The following CDH7 variants were observed in gnomAD, a reference collection of about 807,000 sequenced individuals.
CDH7 encodes cadherin 7.
CDH7 carries 25 observed loss-of-function variants against 71.8 expected under a neutral mutation model. The ratio of observed to expected loss-of-function variants is 0.35; its 90% CI spans 0.25 to 0.49. CDH7 has a LOEUF of 0.49. Ranked by LOEUF, CDH7 falls within the 20% of genes least tolerant of loss-of-function variation. The pLI, the probability that CDH7 is intolerant of heterozygous loss-of-function variation, is 0.99. For missense variants in CDH7, 862 were observed against 974.6 expected, an observed-to-expected ratio of 0.88 and a Z score of 1.54; for synonymous variants, 381 against 363.8, an observed-to-expected ratio of 1.05 and a Z score of -0.54.
At chr18:65,759,007 A>G (rs892065687) in intron 1 of CDH7, among the ~76,000 whole-genome samples, 3 of 152,164 alleles carry the variant, frequency 2.0e-5, no homozygotes, top group Non-Finnish European at 4.4e-5. Flanking sequence ...CTTCACAGAC[A>G]TTATTTCAAT....
At chr18:65,774,898 G>T (rs1909880080) in intron 2 of CDH7, among the ~76,000 whole-genome samples, 1 of 152,120 alleles carries the variant, frequency 6.6e-6, no homozygotes, top group Admixed American at 6.6e-5. Flanking sequence ...AGGGAGAAAA[G>T]AGCTAGGTTG....
intron 5 of CDH7, among the ~76,000 whole-genome samples, chr18:65,823,182 A>G (rs1911999734): frequency 1.3e-5 from 2 of 151,810 alleles, no homozygotes; most frequent in South Asian, 4.1e-4. Context: ...TTTCCTCTTT[A>G]TCTTACATAT....
At chr18:65,862,941 C>T (rs746507016) in intron 11 of CDH7, 24 bp downstream of exon 11, 7 of 1,608,060 alleles carry the variant, frequency 4.4e-6, no homozygotes, top group East Asian at 2.2e-5. Context: ...CCAGGGCTTG[C>T]TCTGAAAGAG....
At chr18:65,877,764 A>G (rs1914114328) in intron 11 of CDH7, among the ~76,000 whole-genome samples, 2 of 152,108 alleles carry the variant, frequency 1.3e-5, no homozygotes, top group Admixed American at 6.5e-5. Flanking sequence ...TTCTACTACA[A>G]TTGCTTTCAT....
chr18:65,784,113 A>ATTTTTTTTTTT (rs72393865), intron 2 of CDH7, among the ~76,000 whole-genome samples: 2 of 106,812 alleles, frequency 1.9e-5, no homozygotes, highest in Admixed American at 1.0e-4. Flanking sequence ...ACCCACAGCT[A>ATTTTTTTTTTT]TTTTTTTTTT....
intron 2 of CDH7, among the ~76,000 whole-genome samples, chr18:65,807,432 T>C (rs56018916): frequency 0.019 from 2,859 of 152,270 alleles, 88 homozygotes; most frequent in African/African-American, 0.066. Context: ...AAGAGCTTGT[T>C]CTGTAAATGA....
At chr18:65,798,856 C>A (rs78489414) in intron 2 of CDH7, among the ~76,000 whole-genome samples, 1 of 152,074 alleles carries the variant, frequency 6.6e-6, no homozygotes, top group Non-Finnish European at 1.5e-5. Flanking sequence ...CACCAGCACA[C>A]GAATGTTTCA....
chr18:65,842,651 T>A (rs1485959594), intron 6 of CDH7, among the ~76,000 whole-genome samples: 1 of 151,998 alleles, frequency 6.6e-6, no homozygotes, highest in Non-Finnish European at 1.5e-5. Flanking sequence ...TTTATTTATT[T>A]TGGTTATTAC....
rs772585957 is a variant in CDH7, at chr18:65,880,431, G to C, written c.1895G>C (p.Arg632Thr). ...VLILLIVTMR[R>T]RKKEPLIFDE... Reference sequence around the variant, plus strand: ...ATCCTCCTTATCGTCACTATGAGAAGACGGAAAAAAGAGCCCCTTATTTTT... The same window carrying C: ...ATCCTCCTTATCGTCACTATGAGAACACGGAAAAAAGAGCCCCTTATTTTT... Residue 632 changes from arginine to threonine, a missense_variant, in exon 12 of 12, where the codon AGA becomes ACA. Physicochemically the swap from Arg to Thr is moderately conservative, Grantham distance 71. Transcript: ENST00000397968. 3 of 1,555,384 alleles carry C rather than the reference G, an allele frequency of 1.9e-6. No individual in the cohort carries two copies. The highest frequency in any genetic ancestry group is 2.5e-5 in the South Asian group (2 of 78,554).
intron 7 of CDH7, among the ~76,000 whole-genome samples, chr18:65,849,700 A>G (rs905516312): frequency 1.3e-5 from 2 of 151,774 alleles, no homozygotes; most frequent in Non-Finnish European, 2.9e-5. Flanking sequence ...GGTATGAGCC[A>G]CCACCCCCGG....
intron 2 of CDH7, among the ~76,000 whole-genome samples, chr18:65,796,181 T>G (rs2143869763): frequency 6.6e-6 from 1 of 152,316 alleles, no homozygotes; most frequent in South Asian, 2.1e-4. Flanking sequence ...TTCTGTTGAA[T>G]TATCTTAATC....
chr18:65,763,207 C>T (rs1029803187), intron 2 of CDH7, among the ~76,000 whole-genome samples, 155 bp downstream of exon 2: 7 of 152,096 alleles, frequency 4.6e-5, no homozygotes, highest in African/African-American at 1.4e-4. Context: ...AGGTTTTTGG[C>T]GATAGCCACT....
chr18:65,834,194 G>C (rs1226515769), intron 6 of CDH7, among the ~76,000 whole-genome samples: 1 of 152,188 alleles, frequency 6.6e-6, no homozygotes, highest in Non-Finnish European at 1.5e-5. Flanking sequence ...TTTCTAGTTT[G>C]TGTAACTAGC....
At chr18:65,836,974 C>T (rs1293657211) in intron 6 of CDH7, among the ~76,000 whole-genome samples, 1 of 152,100 alleles carries the variant, frequency 6.6e-6, no homozygotes, top group African/African-American at 2.4e-5. Context: ...GCAGAGAATA[C>T]ACAGAGCTGG....
At position 65,880,557 on chromosome 18, in the gene CDH7, T is replaced by C. The variant is rs759703795; in HGVS notation, c.2021T>C (p.Leu674Pro). Residue 674 changes from leucine to proline, a missense_variant, in exon 12 of 12, where the codon CTC becomes CCC. Leu to Pro is a moderately conservative substitution (Grantham distance 98). Coordinates refer to ENST00000397968, the MANE Select transcript of CDH7 (RefSeq NM_004361.5). ...EAFDMAALRN[L>P]NVIRDTKTRR... ...TTTGACATGGCTGCACTGAGAAACC[T>C]CAACGTCATCCGAGACACCAAGACC... The C allele has an allele frequency of 6.2e-7, 1 of 1,613,858 alleles. No individual in the cohort carries two copies. Among genetic ancestry groups the C allele is most frequent in the Non-Finnish European group, 8.5e-7 (1 of 1,179,958 alleles).
chr18:65,876,304 T>C (rs1266283832), intron 11 of CDH7, among the ~76,000 whole-genome samples: 2 of 152,226 alleles, frequency 1.3e-5, no homozygotes, highest in African/African-American at 4.8e-5. Flanking sequence ...CATCATACTT[T>C]TACTGCTGTA....
chr18:65,784,319 G>A (rs987512249), intron 2 of CDH7, among the ~76,000 whole-genome samples: 29 of 152,040 alleles, frequency 1.9e-4, no homozygotes, highest in Non-Finnish European at 3.7e-4. Context: ...AGAGAGAAAT[G>A]CAGGAATGAA....
rs779883915 is a variant in CDH7 at position 65,880,884 on chromosome 18, T to G, written c.2348T>G (p.Leu783Trp). The G allele has an allele frequency of 6.2e-6, 10 of 1,603,678 alleles. No individual in the cohort carries two copies. Among genetic ancestry groups the G allele is most frequent in the Non-Finnish European group, 8.5e-6 (10 of 1,175,062 alleles). Residue 783 changes from leucine (L) to tryptophan (W), a missense_variant, in exon 12 of 12, where the codon TTG becomes TGG. Physicochemically the swap from Leu to Trp is moderately conservative, Grantham distance 61. Transcript: ENST00000397968. ...ADMYGTGQES[L>W]YS ...ATGTATGGGACTGGCCAAGAGAGTT[T>G]GTACTCATAGCCTTGGAACCTTAAT...
At chr18:65,812,135 AT>A (rs1265911147) in intron 3 of CDH7, among the ~76,000 whole-genome samples, 1 of 151,314 alleles carries the variant, frequency 6.6e-6, no homozygotes, top group African/African-American at 2.4e-5. Flanking sequence ...CTCCCAGCTA[AT>A]TTTTGTATTT....
Sources: allele counts gnomAD v4.1 joint callset (sites outside exome capture counted in the v4.1 genomes callset), GRCh38; gene constraint gnomAD v4.1.1; transcripts MANE v1.5; gene names NCBI Gene and HGNC (gene_info 2026-07-23, HGNC 2026-07-21).